Variants in TAF4B observed in about 807,000 individuals in gnomAD.
The protein encoded by TAF4B is transcription initiation factor TFIID subunit 4B.
In TAF4B, 38 loss-of-function variants were observed where a neutral mutation model predicts 86.4. The observed-to-expected ratio is 0.44, with a 90% CI of 0.34 to 0.58. TAF4B has a LOEUF of 0.58. Ranked by LOEUF, TAF4B falls within the 20% of genes least tolerant of loss-of-function variation. The pLI is 0.02. For missense variants in TAF4B, 988 were observed against 1,027.6 expected (o/e 0.96, Z 0.53); for synonymous variants, 388 against 391.2 (o/e 0.99, Z 0.10).
intron 12 of TAF4B, among the ~76,000 whole-genome samples, chr18:26,329,459 A>G (rs1215126953): frequency 2.6e-5 from 4 of 152,196 alleles, no homozygotes; most frequent in Non-Finnish European, 5.9e-5. Flanking sequence ...CACAGCACCC[A>G]TTCTGATTTC....
At chr18:26,321,980 G>C (rs2056967181) in intron 11 of TAF4B, among the ~76,000 whole-genome samples, 1 of 152,044 alleles carries the variant, frequency 6.6e-6, no homozygotes. Context: ...CTGTTATCAA[G>C]GTAAAATAAC....
At chr18:26,272,445 C>T (rs2056332421) in intron 3 of TAF4B, among the ~76,000 whole-genome samples, 2 of 152,020 alleles carry the variant, frequency 1.3e-5, no homozygotes, top group Non-Finnish European at 2.9e-5. Flanking sequence ...CAAGTAGTAG[C>T]TATACTAGAA....
chr18:26,230,443 ACAGTTGT>A (rs1422779374), intron 1 of TAF4B, among the ~76,000 whole-genome samples: 1 of 152,122 alleles, frequency 6.6e-6, no homozygotes, highest in Non-Finnish European at 1.5e-5. Flanking sequence ...CATCACTTCC[ACAGTTGT>A]CACAGTGCTG....
At chr18:26,380,765 G>A (rs1209294611) in intron 14 of TAF4B, among the ~76,000 whole-genome samples, 5 of 151,362 alleles carry the variant, frequency 3.3e-5, no homozygotes, top group African/African-American at 1.2e-4. Context: ...TTTAAAGCAG[G>A]TCTCTTATAA....
intron 1 of TAF4B, among the ~76,000 whole-genome samples, chr18:26,239,454 T>A (rs2055801707): frequency 6.6e-6 from 1 of 152,174 alleles, no homozygotes; most frequent in Non-Finnish European, 1.5e-5. Flanking sequence ...TTCTTGTAAA[T>A]TTGTTTGAGT....
intron 1 of TAF4B, chr18:26,256,191 C>G: frequency 6.2e-7 from 1 of 1,610,706 alleles, no homozygotes; most frequent in Non-Finnish European, 8.5e-7. Flanking sequence ...AAGCAGGACA[C>G]AGGCATTGCA....
At chr18:26,254,664 G>C (rs771592773) in intron 1 of TAF4B, among the ~76,000 whole-genome samples, 1 of 152,162 alleles carries the variant, frequency 6.6e-6, no homozygotes, top group Non-Finnish European at 1.5e-5. Context: ...AATAGAGTGT[G>C]TTTTCTACTG....
intron 13 of TAF4B, among the ~76,000 whole-genome samples, chr18:26,336,288 G>T (rs2144699305): frequency 6.6e-6 from 1 of 152,284 alleles, no homozygotes; most frequent in South Asian, 2.1e-4. Flanking sequence ...TGTGCCTCTT[G>T]AACTATGAAA....
chr18:26,362,197 T>G (rs2057337740), intron 14 of TAF4B, among the ~76,000 whole-genome samples: 2 of 152,346 alleles, frequency 1.3e-5, no homozygotes, highest in South Asian at 4.1e-4. Context: ...GGATGAGTTC[T>G]TTAAACCCCA....
chr18:26,375,452 T>C (rs758603509), intron 14 of TAF4B, among the ~76,000 whole-genome samples: 4 of 152,206 alleles, frequency 2.6e-5, no homozygotes, highest in Non-Finnish European at 5.9e-5. Context: ...ATGGTGACTA[T>C]GTTTGGTGTT....
At chr18:26,344,795 T>A (rs1484907153) in intron 13 of TAF4B, among the ~76,000 whole-genome samples, 3 of 149,458 alleles carry the variant, frequency 2.0e-5, no homozygotes, top group Non-Finnish European at 4.5e-5. Context: ...TTGACTAGAA[T>A]GTCAGAGAGA....
chr18:26,309,294 T>G (rs2056831176), intron 9 of TAF4B, among the ~76,000 whole-genome samples: 1 of 128,028 alleles, frequency 7.8e-6, no homozygotes. Flanking sequence ...AATGATAAAG[T>G]TGGAGCTATC....
chr18:26,343,759 G>A (rs1021095026), intron 13 of TAF4B, among the ~76,000 whole-genome samples: 11 of 152,274 alleles, frequency 7.2e-5, no homozygotes, highest in East Asian at 1.9e-4. Flanking sequence ...TCATATACAC[G>A]AGTTCTGCAG....
chr18:26,252,917 GA>G (rs569413999), intron 1 of TAF4B, among the ~76,000 whole-genome samples: 86 of 151,682 alleles, frequency 5.7e-4, no homozygotes, highest in African/African-American at 1.9e-3. Context: ...TGTATGTATA[GA>G]AAAAACATAA....
chr18:26,342,764 A>T, intron 13 of TAF4B, among the ~76,000 whole-genome samples: 1 of 152,226 alleles, frequency 6.6e-6, no homozygotes, highest in East Asian at 1.9e-4. Context: ...GAAAAGAGAA[A>T]TGAAGGCTTC....
At chr18:26,258,994 T>C (rs574950658) in intron 1 of TAF4B, among the ~76,000 whole-genome samples, 39 of 152,126 alleles carry the variant, frequency 2.6e-4, no homozygotes, top group African/African-American at 8.9e-4. Flanking sequence ...TGCCAGCCTG[T>C]TTTTAAATTT....
intron 10 of TAF4B, among the ~76,000 whole-genome samples, chr18:26,318,341 T>A (rs1568150111): frequency 6.6e-6 from 1 of 151,514 alleles, no homozygotes; most frequent in African/African-American, 2.4e-5. Flanking sequence ...AATTCTTACT[T>A]CTGAATTAGC....
chr18:26,266,661 A>T (rs1598740401), intron 2 of TAF4B: 1 of 151,946 alleles, frequency 6.6e-6, no homozygotes, highest in African/African-American at 2.4e-5. Flanking sequence ...GGAGATCGAG[A>T]CCATCCTGGC....
At position 26,358,771 on chromosome 18, in the gene TAF4B, C is replaced by T. The variant is rs2057308790; in HGVS notation, c.2421+977C>T. Among the ~76,000 whole-genome samples the T allele has an allele frequency of 4.6e-5, 7 of 152,182 alleles. No individual in the cohort carries two copies. The South Asian group carries it at 1.5e-3, about 32-fold the overall frequency. On this transcript the variant is annotated intron_variant, in intron 14 of 14. Coordinates refer to ENST00000269142, the MANE Select transcript of TAF4B (RefSeq NM_005640.3). ...TTGGCTTTAGGAGCAATCATTAGGGCTGAGATAGAGGTATGCTAAGGGCTC... is the reference window on the plus strand; with the variant it reads ...TTGGCTTTAGGAGCAATCATTAGGGTTGAGATAGAGGTATGCTAAGGGCTC...
Sources: allele counts gnomAD v4.1 joint callset (sites outside exome capture counted in the v4.1 genomes callset), GRCh38; gene constraint gnomAD v4.1.1; transcripts MANE v1.5; gene names NCBI Gene and HGNC (gene_info 2026-07-23, HGNC 2026-07-21).